TNNT3: variants seen among roughly 807,000 people sequenced by gnomAD.
The protein encoded by TNNT3 is troponin T, fast skeletal muscle.
A neutral mutation model predicts 54.2 loss-of-function variants in TNNT3; 36 were observed. The ratio of observed to expected loss-of-function variants is 0.66; its 90% CI spans 0.51 to 0.88. The LOEUF is 0.88. Ranked by LOEUF, TNNT3 falls within the 40% of genes least tolerant of loss-of-function variation. The pLI, the probability that TNNT3 is intolerant of heterozygous loss-of-function variation, is 0.00. For missense variants in TNNT3, 291 were observed against 331.6 expected, an observed-to-expected ratio of 0.88 and a Z score of 0.95; for synonymous variants, 120 against 109.7, an observed-to-expected ratio of 1.09 and a Z score of -0.59.
Position 1,932,472 on chromosome 11 carries a change from C to T in TNNT3, c.129C>T (p.Leu43=). Residue 43 remains leucine (L), a synonymous_variant, in exon 9 of 16, where the codon CTC becomes CTT. Coordinates refer to ENST00000278317, the MANE Select transcript of TNNT3 (RefSeq NM_006757.4). ...DAEEEKPRPK[L]TAPKIPEGEK... is the part of the protein sequence containing the mutation. ...GGCCTCTCTGTCTCCTCTTCAGACT[C>T]ACTGCTCCTAAGATCCCAGAAGGGG... is the stretch of plus-strand genomic sequence containing the variant. 6.2e-7 allele frequency: 1 copy of T among 1,613,800 alleles called. No homozygotes were observed.
Position 1,936,785 on chromosome 11 carries a change from A to G in TNNT3, c.682-178A>G, listed in dbSNP as rs11827606. 2.3e-3 allele frequency among the ~76,000 whole-genome samples: 345 copies of G among 152,298 alleles called. 2 individuals carry two copies. The highest frequency in any genetic ancestry group is 7.9e-3 in the African/African-American group (327 of 41,570). ...CAGGCATGAGCCCAGGGGCCACGGG[A>G]CGGTGTCCCCCTGCACAAGGAGCCA... On this transcript the variant is annotated intron_variant, in intron 14 of 15. Coordinates refer to ENST00000278317, the MANE Select transcript of TNNT3 (RefSeq NM_006757.4).
chr11:1,936,650 C>T (rs890189983), intron 14 of TNNT3, among the ~76,000 whole-genome samples: 33 of 152,232 alleles, frequency 2.2e-4, no homozygotes, highest in African/African-American at 7.7e-4. Context: ...CAGCCCCATC[C>T]GTGCTCCGTA....
chr11:1,936,010 G>C lies in TNNT3; in HGVS notation c.682-953G>C, dbSNP rs530694845. ...CCCAGAGGGGCTGGCCCTGAGACGGGCTTCACGGCACAGGACCCAGGTCCT... is the reference window on the plus strand; with the variant it reads ...CCCAGAGGGGCTGGCCCTGAGACGGCCTTCACGGCACAGGACCCAGGTCCT... On this transcript the variant is annotated intron_variant, in intron 14 of 15. Coordinates refer to ENST00000278317, the MANE Select transcript of TNNT3 (RefSeq NM_006757.4). 3.3e-3 allele frequency among the ~76,000 whole-genome samples: 506 copies of C among 152,274 alleles called. 2 individuals carry two copies. Among genetic ancestry groups the C allele is most frequent in the Middle Eastern group, 6.8e-3 (2 of 294 alleles).
chr11:1,933,666 C>A, intron 9 of TNNT3, 55 bp from the exon 10 acceptor site: 2 of 1,421,460 alleles, frequency 1.4e-6, no homozygotes, highest in Non-Finnish European at 2.0e-6. Context: ...GCAGGCCAGG[C>A]AGGGCAGAGG....
chr11:1,934,735 G>A (rs1854461865), intron 13 of TNNT3, 80 bp downstream of exon 13: 11 of 1,598,344 alleles, frequency 6.9e-6, no homozygotes, highest in Non-Finnish European at 9.4e-6. Context: ...GGCTGCCAAG[G>A]ACCGTGCTCC....
intron 15 of TNNT3, chr11:1,938,082 A>AG: frequency 2.9e-6 from 1 of 347,778 alleles, no homozygotes; most frequent in Non-Finnish European, 5.6e-6. Context: ...CACCGTCTGG[A>AG]GGGGCATGAG....
At chr11:1,935,221 G>A (rs1013864091) in intron 14 of TNNT3, 7 of 495,860 alleles carry the variant, frequency 1.4e-5, no homozygotes, top group Admixed American at 3.3e-5. Context: ...ATGGCCAAGT[G>A]GACTCAGGGT....
intron 13 of TNNT3, 53 bp downstream of exon 13, chr11:1,934,708 C>T: frequency 6.2e-7 from 1 of 1,601,090 alleles, no homozygotes; most frequent in Non-Finnish European, 8.5e-7. Context: ...CCTGCAGGAG[C>T]TGCCGACTGC....
chr11:1,931,015 A>G (rs569485174), intron 8 of TNNT3, among the ~76,000 whole-genome samples: 103 of 152,336 alleles, frequency 6.8e-4, no homozygotes, highest in Non-Finnish European at 1.2e-3. Flanking sequence ...TGGAAAAAAA[A>G]GATTTAAAGT....
intron 15 of TNNT3, 46 bp downstream of exon 15, chr11:1,937,049 T>C (rs1164574272): frequency 8.4e-6 from 13 of 1,556,372 alleles, no homozygotes; most frequent in African/African-American, 1.4e-5. Flanking sequence ...ACAGGGGCCC[T>C]TGGGGCCAGC....
Position 1,929,850 on chromosome 11 carries a change from G to T in TNNT3, c.125+22G>T, listed in dbSNP as rs1341290693. The T allele has an allele frequency of 2.0e-6, 3 of 1,510,370 alleles. No individual in the cohort carries two copies. In the East Asian group the frequency reaches 7.4e-5, roughly 37 times the overall value. 93.6% of individuals were successfully genotyped at this position (1,510,370 alleles called of 1,614,324 possible). On this transcript the variant is annotated intron_variant, in intron 8 of 15. Transcript: ENST00000278317. ...CCAAGTGAGTGTGGGGTCCTGGCAG[G>T]CCCGCTGCTGAGTGTGTTCTGGGGT...
intron 15 of TNNT3, chr11:1,938,202 G>A: frequency 1.7e-6 from 1 of 581,492 alleles, no homozygotes; most frequent in Admixed American, 2.8e-5. Flanking sequence ...GAGGACAGAG[G>A]GAGGGTGCCC....
At chr11:1,926,602 C>A (rs1024198537) in intron 5 of TNNT3, 93 bp from the exon 6 acceptor site, 8 of 1,608,432 alleles carry the variant, frequency 5.0e-6, no homozygotes, top group Non-Finnish European at 6.8e-6. Context: ...TCCGCCGCCT[C>A]GGCCCTGCCC....
In TNNT3 at chr11:1,933,978, G is replaced by A; in HGVS notation, c.336G>A (p.Glu112=). The stretch of plus-strand genomic sequence containing the variant: ...CGGAGCAGCAGAGGATTCGTGCAGA[G>A]AAGGAGAGGGAGCGCCAGAACAGAC... ...ERAEQQRIRA[E]KERERQNRLA... is the part of the protein sequence containing the mutation. The change falls in exon 11 of 16, where the codon GAG becomes GAA. Residue 112 remains glutamate, a synonymous_variant. Transcript: ENST00000278317. 6.2e-7 allele frequency: 1 copy of A among 1,612,594 alleles called. No homozygotes were observed. Among genetic ancestry groups the A allele is most frequent in the Non-Finnish European group, 8.5e-7 (1 of 1,179,908 alleles).
intron 9 of TNNT3, among the ~76,000 whole-genome samples, chr11:1,932,924 C>G (rs1009217254): frequency 1.7e-4 from 26 of 148,946 alleles, no homozygotes; most frequent in Non-Finnish European, 1.9e-4. Flanking sequence ...ACCCATTCAT[C>G]CATCCATCCA....
chr11:1,922,644 T>C (rs1381910073), intron 1 of TNNT3: 3 of 612,100 alleles, frequency 4.9e-6, no homozygotes, highest in East Asian at 5.5e-5. Context: ...GGGGACAGAG[T>C]CTGGGGCGCC....
intron 4 of TNNT3, 176 bp from the exon 5 acceptor site, chr11:1,924,923 G>T: frequency 2.8e-6 from 2 of 724,282 alleles, no homozygotes; most frequent in South Asian, 3.0e-5. Context: ...CCCCGGGGCT[G>T]GCCAGAGATG....
chr11:1,933,819 C>G lies in TNNT3; in HGVS notation c.270C>G (p.Val90=), dbSNP rs533262043. The change falls in exon 10 of 16, where the codon GTC becomes GTG. Residue 90 remains valine, a synonymous_variant. Coordinates refer to ENST00000278317, the MANE Select transcript of TNNT3 (RefSeq NM_006757.4). ...GGAAGAAGGAGGAGGAGGAGCTGGTCGCTCTCAAAGAGAGAATCGTGAGTG... is the reference window on the plus strand; with the variant it reads ...GGAAGAAGGAGGAGGAGGAGCTGGTGGCTCTCAAAGAGAGAATCGTGAGTG... ...EARKKEEEEL[V]ALKERIEKRR... is the part of the protein sequence containing the mutation. 1.2e-6 allele frequency: 2 copies of G among 1,612,544 alleles called. No individual in the cohort carries two copies. The highest frequency in any genetic ancestry group is 1.7e-6 in the Non-Finnish European group (2 of 1,179,842).
intron 6 of TNNT3, among the ~76,000 whole-genome samples, chr11:1,928,754 A>G (rs1166818340): frequency 6.6e-6 from 1 of 152,132 alleles, no homozygotes; most frequent in African/African-American, 2.4e-5. Flanking sequence ...CTTGGTGGAG[A>G]GGGTCTCAGA....
Sources: gnomAD v4.1 joint callset for allele counts (sites outside exome capture counted in the v4.1 genomes callset) on GRCh38, gnomAD v4.1.1 for gene constraint, MANE v1.5 for transcripts, NCBI Gene and HGNC (gene_info 2026-07-23, HGNC 2026-07-21) for gene names.